The following SCNN1B variants were observed in gnomAD, a reference collection of about 807,000 sequenced individuals.
SCNN1B encodes sodium channel epithelial 1 subunit beta, also known as epithelial sodium channel subunit beta.
A neutral mutation model predicts 65.3 loss-of-function variants in SCNN1B; 46 were observed. That is an observed-to-expected ratio of 0.70 (90% CI 0.56 to 0.90). The LOEUF is 0.90. Among genes scored for constraint, SCNN1B ranks in the 40% least tolerant of loss-of-function variants. The pLI, the probability that SCNN1B is intolerant of heterozygous loss-of-function variation, is 0.00. For synonymous variants in SCNN1B, 349 were observed against 330.6 expected, an observed-to-expected ratio of 1.06 and a Z score of -0.60; for missense variants, 751 against 830.5, an observed-to-expected ratio of 0.90 and a Z score of 1.18.
At chr16:23,313,260 C>T (rs1432387419) in intron 1 of SCNN1B, among the ~76,000 whole-genome samples, 1 of 152,062 alleles carries the variant, frequency 6.6e-6, no homozygotes, top group African/African-American at 2.4e-5. Context: ...CCATGGACCC[C>T]CATTCTCTGG....
At chr16:23,314,995 G>A (rs72652292) in intron 1 of SCNN1B, among the ~76,000 whole-genome samples, 411 of 152,284 alleles carry the variant, frequency 2.7e-3, no homozygotes, top group African/African-American at 9.7e-3. Flanking sequence ...GATTTCAGAG[G>A]TTGGCAGGAA....
At position 23,371,759 on chromosome 16, in the gene SCNN1B, A is replaced by G; in HGVS notation, c.1045-17A>G. 1 of 1,604,296 alleles carries G rather than the reference A, an allele frequency of 6.2e-7. No homozygotes were observed. Among genetic ancestry groups the G allele is most frequent in the Non-Finnish European group, 8.5e-7 (1 of 1,171,002 alleles). Reference sequence around the variant, plus strand: ...GGGGTGACCAGTGTCCCCCTCAAGCAACCCCTCTAAACACAGGACAAGCTT... The same window carrying G: ...GGGGTGACCAGTGTCCCCCTCAAGCGACCCCTCTAAACACAGGACAAGCTT... On this transcript the variant is annotated splice_polypyrimidine_tract_variant and intron_variant, in intron 6 of 12. Transcript: ENST00000343070.
At chr16:23,360,833 C>G (rs542813348) in intron 4 of SCNN1B, among the ~76,000 whole-genome samples, 1 of 151,664 alleles carries the variant, frequency 6.6e-6, no homozygotes, top group Non-Finnish European at 1.5e-5. Flanking sequence ...CTCACTCTGT[C>G]GCCCAGGCTG....
At chr16:23,279,433 T>A (rs1567282644) in intron 1 of SCNN1B, among the ~76,000 whole-genome samples, 1 of 151,992 alleles carries the variant, frequency 6.6e-6, no homozygotes, top group African/African-American at 2.4e-5. Flanking sequence ...GGAGAAAACT[T>A]ACACAAGGAG....
chr16:23,369,548 C>T (rs1225909992), intron 5 of SCNN1B, among the ~76,000 whole-genome samples: 5 of 152,042 alleles, frequency 3.3e-5, no homozygotes, highest in South Asian at 2.1e-4. Flanking sequence ...TGTGGTTTTG[C>T]GGCTTGTGAG....
In SCNN1B at chr16:23,367,845, G is replaced by C; in HGVS notation, c.777-11G>C. 6.2e-7 allele frequency: 1 copy of C among 1,606,418 alleles called. No individual in the cohort carries two copies. The highest frequency in any genetic ancestry group is 8.5e-7 in the Non-Finnish European group (1 of 1,172,970). On this transcript the variant is annotated splice_polypyrimidine_tract_variant and intron_variant, in intron 4 of 12. Coordinates refer to ENST00000343070, the MANE Select transcript of SCNN1B (RefSeq NM_000336.3). Reference sequence around the variant, plus strand: ...TGGAACCTGCCCTGCAGCTGATGCTGTTTCTTTTAGGAACTTCACGTCCAT... The same window carrying C: ...TGGAACCTGCCCTGCAGCTGATGCTCTTTCTTTTAGGAACTTCACGTCCAT...
chr16:23,354,764 T>C (rs1259005722), intron 3 of SCNN1B, among the ~76,000 whole-genome samples: 1 of 152,146 alleles, frequency 6.6e-6, no homozygotes, highest in African/African-American at 2.4e-5. Flanking sequence ...TGTGAATCTA[T>C]GTATATGGGG....
chr16:23,373,257 C>T (rs1255511021), intron 7 of SCNN1B, among the ~76,000 whole-genome samples: 1 of 151,998 alleles, frequency 6.6e-6, no homozygotes, highest in African/African-American at 2.4e-5. Flanking sequence ...TAGCCAGGAC[C>T]ACAGGCATGA....
intron 1 of SCNN1B, among the ~76,000 whole-genome samples, chr16:23,280,852 A>C (rs1557670): frequency 0.16 from 24,032 of 152,238 alleles, 4,395 homozygotes; most frequent in African/African-American, 0.45. Flanking sequence ...TGAATAAATT[A>C]ACAAGCACAC....
At chr16:23,309,410 T>TAGATA in intron 1 of SCNN1B, among the ~76,000 whole-genome samples, 1 of 150,934 alleles carries the variant, frequency 6.6e-6, no homozygotes, top group African/African-American at 2.4e-5. Flanking sequence ...AGATAAATGA[T>TAGATA]GATAGATAGA....
Position 23,378,783 on chromosome 16 carries a change from G to T in SCNN1B, c.1466+16G>T. On this transcript the variant is annotated intron_variant, in intron 11 of 12. Transcript: ENST00000343070. ...CCCTGAGCAGGTGAGCCTGAGCCTG[G>T]GCGGGGCTGGGGAAGACAGGGAAGG... 1 of 1,613,668 alleles carries T rather than the reference G, an allele frequency of 6.2e-7. No individual in the cohort carries two copies.
intron 1 of SCNN1B, among the ~76,000 whole-genome samples, chr16:23,303,149 CT>C (rs1318866839): frequency 1.3e-5 from 2 of 152,104 alleles, no homozygotes; most frequent in East Asian, 3.9e-4. Flanking sequence ...CTTAGGTGTG[CT>C]GTGGAGGGAA....
rs1418310041 is a variant in SCNN1B at position 23,305,577 on chromosome 16, T to TAAAAA, written c.-9+3140_-9+3141insAAAAA. 2.7e-3 allele frequency among the ~76,000 whole-genome samples: 65 copies of TAAAAA among 23,666 alleles called. 1 individual carries two copies. The highest frequency in any genetic ancestry group is 0.016 in the African/African-American group (61 of 3,836). The allele number at this position is 23,666 out of a possible 152,430, so 15.5% of individuals were successfully genotyped here. On this transcript the variant is annotated intron_variant, in intron 1 of 12. Coordinates refer to ENST00000343070, the MANE Select transcript of SCNN1B (RefSeq NM_000336.3). ...ATATATATATATATATATATATATA[T>TAAAAA]TATATATATATATATATATATAACC... is the stretch of plus-strand genomic sequence containing the variant.
intron 2 of SCNN1B, among the ~76,000 whole-genome samples, chr16:23,292,517 T>A (rs1229185498): frequency 1.3e-5 from 2 of 151,058 alleles, no homozygotes; most frequent in Non-Finnish European, 2.9e-5. Flanking sequence ...ACTTTTTATT[T>A]CTTTGAGACA....
At chr16:23,322,721 A>G (rs1961614372) in intron 1 of SCNN1B, among the ~76,000 whole-genome samples, 1 of 152,230 alleles carries the variant, frequency 6.6e-6, no homozygotes, top group South Asian at 2.1e-4. Flanking sequence ...TTACTTCAAC[A>G]TATAATCAAT....
At chr16:23,326,230 T>C (rs187401270) in intron 1 of SCNN1B, among the ~76,000 whole-genome samples, 210 of 152,080 alleles carry the variant, frequency 1.4e-3, no homozygotes, top group African/African-American at 4.9e-3. Flanking sequence ...TAAGCTTTTT[T>C]CCATTTTGCT....
rs373917735 is a variant in SCNN1B, at chr16:23,365,587, G to GAAAGAGAAAGAA, written c.777-2268_777-2267insAAGAGAAAGAAA. On this transcript the variant is annotated intron_variant, in intron 4 of 12. Coordinates refer to ENST00000343070, the MANE Select transcript of SCNN1B (RefSeq NM_000336.3). ...AGAAAGAAAGAAAGAAAGAAAGAAA[G>GAAAGAGAAAGAA]AGAAAGAAAGAAAGAAAGAAAGAAA... Among the ~76,000 whole-genome samples the GAAAGAGAAAGAA allele has an allele frequency of 1.2e-3, 106 of 86,976 alleles. 1 individual carries two copies. The highest frequency in any genetic ancestry group is 6.0e-3 in the African/African-American group (96 of 16,112). 57.1% of individuals were successfully genotyped at this position (86,976 alleles called of 152,430 possible). A position where few individuals can be genotyped will look rare whatever the true frequency, so the allele number is the denominator to read the frequency against.
intron 4 of SCNN1B, among the ~76,000 whole-genome samples, chr16:23,357,039 C>G (rs1962435274): frequency 6.6e-6 from 1 of 152,232 alleles, no homozygotes; most frequent in South Asian, 2.1e-4. Context: ...CACCTCGGCC[C>G]CACCCCAGGT....
intron 4 of SCNN1B, among the ~76,000 whole-genome samples, chr16:23,366,181 T>C (rs1410812716): frequency 6.6e-6 from 1 of 151,462 alleles, no homozygotes; most frequent in Admixed American, 6.6e-5. Flanking sequence ...CATTCCTTCC[T>C]GTTTTTATTT....
Sources: gnomAD v4.1 joint callset for allele counts (sites outside exome capture counted in the v4.1 genomes callset) on GRCh38, gnomAD v4.1.1 for gene constraint, MANE v1.5 for transcripts, NCBI Gene and HGNC (gene_info 2026-07-23, HGNC 2026-07-21) for gene names.